PTPRZ1: variants seen among roughly 807,000 people sequenced by gnomAD.
The protein encoded by PTPRZ1 is receptor-type tyrosine-protein phosphatase zeta.
PTPRZ1 carries 82 observed loss-of-function variants against 214.1 expected under a neutral mutation model. That is an observed-to-expected ratio of 0.38 (90% CI 0.32 to 0.46). The LOEUF (loss-of-function observed/expected upper bound fraction) is 0.46. Ranked by LOEUF, PTPRZ1 falls within the 20% of genes least tolerant of loss-of-function variation. The pLI, the probability that PTPRZ1 is intolerant of heterozygous loss-of-function variation, is 1.00. For synonymous variants in PTPRZ1, 945 were observed against 987.9 expected (o/e 0.96, Z 0.81); for missense variants, 2,603 against 2,748.7 (o/e 0.95, Z 1.19).
At chr7:121,909,090 G>C in intron 1 of PTPRZ1, 1 of 381,290 alleles carries the variant, frequency 2.6e-6, no homozygotes, top group South Asian at 2.1e-5. Flanking sequence ...TAAAATTAGA[G>C]TATAATGGCA....
At chr7:122,014,778 T>C (rs919181708) in intron 12 of PTPRZ1, among the ~76,000 whole-genome samples, 8 of 152,198 alleles carry the variant, frequency 5.3e-5, no homozygotes, top group African/African-American at 1.9e-4. Context: ...TTAGTTTTAT[T>C]ACTAAGTTTT....
intron 1 of PTPRZ1, among the ~76,000 whole-genome samples, chr7:121,926,336 CT>C (rs1795763280): frequency 6.7e-6 from 1 of 149,580 alleles, no homozygotes; most frequent in East Asian, 2.0e-4. Context: ...TTACAATATT[CT>C]TAAAGTAAAT....
At chr7:121,981,552 A>G (rs1355403607) in intron 6 of PTPRZ1, among the ~76,000 whole-genome samples, 1 of 152,196 alleles carries the variant, frequency 6.6e-6, no homozygotes, top group Non-Finnish European at 1.5e-5. Context: ...TGCCTACATG[A>G]GTGAGGGCTG....
intron 1 of PTPRZ1, among the ~76,000 whole-genome samples, chr7:121,896,299 C>G (rs1384659221): frequency 1.3e-5 from 2 of 152,118 alleles, no homozygotes; most frequent in African/African-American, 2.4e-5. Flanking sequence ...TCTTGTATAA[C>G]TGAAACTCTA....
At chr7:122,019,354 T>G (rs745530384) in intron 13 of PTPRZ1, 86 bp downstream of exon 13, 99 of 1,338,368 alleles carry the variant, frequency 7.4e-5, no homozygotes, top group Non-Finnish European at 9.8e-5. Context: ...CAAAGCATAT[T>G]CAAAATGTAT....
At chr7:122,053,395 G>T (rs944295522) in intron 25 of PTPRZ1, among the ~76,000 whole-genome samples, 1 of 152,158 alleles carries the variant, frequency 6.6e-6, no homozygotes, top group Non-Finnish European at 1.5e-5. Flanking sequence ...GAGCAGTTTT[G>T]TAAGTTAGAC....
chr7:121,964,057 A>G (rs1271145078), intron 2 of PTPRZ1, among the ~76,000 whole-genome samples: 1 of 152,106 alleles, frequency 6.6e-6, no homozygotes. Flanking sequence ...GAGTAAAGAA[A>G]TGCTTCTCTT....
At chr7:121,929,774 C>T (rs1350205818) in intron 2 of PTPRZ1, among the ~76,000 whole-genome samples, 2 of 151,212 alleles carry the variant, frequency 1.3e-5, no homozygotes, top group Non-Finnish European at 2.9e-5. Flanking sequence ...CGCCACTGCA[C>T]TCCAGCCTGG....
intron 10 of PTPRZ1, 130 bp from the exon 11 acceptor site, chr7:122,004,484 A>T: frequency 1.7e-6 from 1 of 573,880 alleles, no homozygotes; most frequent in East Asian, 3.4e-5. Flanking sequence ...ATTGTGAGAA[A>T]GTCTGTATTT....
At position 122,019,236 on chromosome 7, in the gene PTPRZ1, A is replaced by G. The variant is rs1207332060; in HGVS notation, c.4956A>G (p.Leu1652=). Residue 1652 remains leucine (L), a synonymous_variant, in exon 13 of 30, where the codon CTA becomes CTG. Coordinates refer to ENST00000393386, the MANE Select transcript of PTPRZ1 (RefSeq NM_002851.3). ...VIVSALTFIC[L]VVLVGILIYW... is the part of the protein sequence containing the mutation. ...TGTCAGCCCTGACTTTTATCTGTCT[A>G]GTGGTTCTTGTGGGTATTCTCATCT... The G allele has an allele frequency of 6.2e-7, 1 of 1,612,636 alleles. No homozygotes were observed. Among genetic ancestry groups the G allele is most frequent in the African/African-American group, 1.3e-5 (1 of 74,862 alleles).
intron 2 of PTPRZ1, among the ~76,000 whole-genome samples, chr7:121,944,799 T>C (rs1314880416): frequency 9.9e-5 from 15 of 152,022 alleles, no homozygotes; most frequent in Non-Finnish European, 2.2e-4. Context: ...GGCACCACCA[T>C]GTCCAGCTAA....
intron 2 of PTPRZ1, among the ~76,000 whole-genome samples, chr7:121,953,477 G>A (rs1450958987): frequency 1.3e-5 from 2 of 152,162 alleles, no homozygotes; most frequent in African/African-American, 2.4e-5. Context: ...ATTCAGCTAT[G>A]TACATACTTG....
intron 1 of PTPRZ1, 149 bp downstream of exon 1, chr7:121,873,706 G>A: frequency 2.1e-6 from 2 of 950,248 alleles, no homozygotes; most frequent in Non-Finnish European, 3.2e-6. Context: ...GGAGCGGGCG[G>A]CCGCGCGGTG....
At chr7:121,916,272 CAAAAAA>C (rs59701928) in intron 1 of PTPRZ1, among the ~76,000 whole-genome samples, 5 of 109,756 alleles carry the variant, frequency 4.6e-5, no homozygotes, top group Admixed American at 1.9e-4. Flanking sequence ...GACTCCATCT[CAAAAAA>C]AAAAAAAAAA....
At chr7:122,044,646 T>C in intron 23 of PTPRZ1, 78 bp downstream of exon 23, 1 of 1,455,440 alleles carries the variant, frequency 6.9e-7, no homozygotes, top group Admixed American at 1.9e-5. Flanking sequence ...GTTGACAGGG[T>C]CACGTTGAGT....
chr7:121,902,436 A>G (rs1025430883), intron 1 of PTPRZ1, among the ~76,000 whole-genome samples: 4 of 152,132 alleles, frequency 2.6e-5, no homozygotes, highest in African/African-American at 4.8e-5. Context: ...GAGGAACATC[A>G]TGCTTTCTTC....
intron 10 of PTPRZ1, 135 bp downstream of exon 10, chr7:121,998,141 G>T: frequency 9.4e-7 from 1 of 1,061,180 alleles, no homozygotes; most frequent in South Asian, 1.7e-5. Context: ...TGGATTGCCG[G>T]GTAATTTTTT....
chr7:121,964,151 G>A (rs1211037654), intron 2 of PTPRZ1, among the ~76,000 whole-genome samples: 1 of 152,008 alleles, frequency 6.6e-6, no homozygotes, highest in Admixed American at 6.6e-5. Context: ...TAAAACAAAA[G>A]GCCACCACTT....
chr7:121,960,078 A>T (rs183622433), intron 2 of PTPRZ1, among the ~76,000 whole-genome samples: 31 of 152,310 alleles, frequency 2.0e-4, no homozygotes, highest in Non-Finnish European at 2.2e-4. Flanking sequence ...TTGCTCTGTC[A>T]CCCAGGCTGG....
Sources: gnomAD v4.1 joint callset for allele counts (sites outside exome capture counted in the v4.1 genomes callset) on GRCh38, gnomAD v4.1.1 for gene constraint, MANE v1.5 for transcripts, NCBI Gene and HGNC (gene_info 2026-07-23, HGNC 2026-07-21) for gene names.